Variants in FGD5 observed in about 807,000 individuals in gnomAD.
The protein encoded by FGD5 is FYVE, RhoGEF and PH domain containing 5.
Under a neutral mutation model 133.4 loss-of-function variants are expected in FGD5, and 28 were observed. That is an observed-to-expected ratio of 0.21 (90% CI 0.16 to 0.29). The LOEUF (loss-of-function observed/expected upper bound fraction) is 0.29. Ranked by LOEUF, FGD5 falls within the 10% of genes least tolerant of loss-of-function variation. FGD5 has a pLI of 1.00. For synonymous variants in FGD5, 810 were observed against 776.5 expected, an observed-to-expected ratio of 1.04 and a Z score of -0.72; for missense variants, 1,858 against 1,895.2, an observed-to-expected ratio of 0.98 and a Z score of 0.36.
Position 14,819,487 on chromosome 3 carries a change from C to G in FGD5, c.416C>G (p.Thr139Arg). 1 of 1,551,400 alleles carries G rather than the reference C, an allele frequency of 6.4e-7. No homozygotes were observed. Among genetic ancestry groups the G allele is most frequent in the Non-Finnish European group, 8.7e-7 (1 of 1,146,984 alleles). The part of the protein sequence containing the change: ...GALSREGEEG[T>R]DLALEDEGEG... Reference sequence around the variant, plus strand: ...CTGAGCAGGGAGGGTGAGGAAGGCACAGACCTTGCTCTTGAGGATGAAGGG... The same window carrying G: ...CTGAGCAGGGAGGGTGAGGAAGGCAGAGACCTTGCTCTTGAGGATGAAGGG... Residue 139 changes from threonine (T) to arginine (R), a missense_variant, in exon 1 of 20, where the codon ACA becomes AGA. Thr to Arg is a moderately conservative substitution (Grantham distance 71, BLOSUM62 -1). This residue lies in a region of FGD5 where 1,824 missense variants were observed against 1,848.9 expected (regional missense o/e 0.99). Coordinates refer to ENST00000285046, the MANE Select transcript of FGD5 (RefSeq NM_152536.4). This position sits in a 1 kb window ranked among gnomAD's most constrained non-coding sequence, Gnocchi z 4.1.
chr3:14,898,718 C>T (rs1303452392), intron 6 of FGD5, 21 bp from the exon 7 acceptor site: 3 of 1,562,136 alleles, frequency 1.9e-6, no homozygotes, highest in Non-Finnish European at 2.6e-6. Flanking sequence ...TAAGGTTTTT[C>T]CTTCCCTGTC....
intron 1 of FGD5, among the ~76,000 whole-genome samples, chr3:14,841,933 C>T (rs77002748): frequency 2.6e-5 from 4 of 152,160 alleles, no homozygotes; most frequent in Non-Finnish European, 5.9e-5. Flanking sequence ...AGGCAGTTGC[C>T]GAGATCCAGA....
At chr3:14,829,233 G>A (rs1461559939) in intron 1 of FGD5, among the ~76,000 whole-genome samples, 1 of 152,170 alleles carries the variant, frequency 6.6e-6, no homozygotes, top group Non-Finnish European at 1.5e-5. Flanking sequence ...GGAAGGCAGG[G>A]TGGGCCCAGT....
chr3:14,844,264 ATATATAT>A (rs2125088431), intron 1 of FGD5, among the ~76,000 whole-genome samples: 4 of 83,472 alleles, frequency 4.8e-5, no homozygotes, highest in South Asian at 4.4e-4. Context: ...ATATATATAT[ATATATAT>A]AATGCAGGTT....
intron 7 of FGD5, 75 bp from the exon 8 acceptor site, chr3:14,900,327 AG>A (rs1347461069): frequency 2.8e-6 from 4 of 1,437,576 alleles, no homozygotes; most frequent in Admixed American, 1.8e-5. Context: ...CTGGCAAGAG[AG>A]GGGGTGGCCA....
intron 4 of FGD5, among the ~76,000 whole-genome samples, chr3:14,890,749 A>G (rs991485320): frequency 2.0e-5 from 3 of 152,244 alleles, no homozygotes; most frequent in Non-Finnish European, 4.4e-5. Flanking sequence ...ATTACAGACG[A>G]GAAACCAGCT....
At chr3:14,831,706 G>A (rs1049749449) in intron 1 of FGD5, among the ~76,000 whole-genome samples, 1 of 152,180 alleles carries the variant, frequency 6.6e-6, no homozygotes, top group East Asian at 1.9e-4. Flanking sequence ...GATTTGATCC[G>A]TAAGCAGTAG....
chr3:14,878,352 GCTA>G (rs1291366825), intron 2 of FGD5, among the ~76,000 whole-genome samples: 1 of 152,196 alleles, frequency 6.6e-6, no homozygotes, highest in Non-Finnish European at 1.5e-5. Context: ...TGTCTCTGCT[GCTA>G]CTGTCAGAGG....
intron 1 of FGD5, among the ~76,000 whole-genome samples, chr3:14,844,829 C>T (rs2037015261): frequency 6.6e-6 from 1 of 152,180 alleles, no homozygotes; most frequent in African/African-American, 2.4e-5. Flanking sequence ...CCCAGTCTCT[C>T]CTCAATAGAC....
In FGD5 at chr3:14,922,044, C is replaced by T; in HGVS notation, c.3669+27C>T. On this transcript the variant is annotated intron_variant, in intron 14 of 19. Transcript: ENST00000285046. This position sits in a 1 kb window ranked among gnomAD's most constrained non-coding sequence, Gnocchi z 4.1. ...TGAGTGGGTGGGCAGGGCCCACGGG[C>T]CACCAGCTTCAGAGACCTGGGGTTC... is the stretch of plus-strand genomic sequence containing the variant. 1 of 1,550,052 alleles carries T rather than the reference C, an allele frequency of 6.5e-7. No individual in the cohort carries two copies. The highest frequency in any genetic ancestry group is 8.7e-7 in the Non-Finnish European group (1 of 1,145,716).
At chr3:14,853,631 CGTTCCTTTT>C (rs1559480758) in intron 1 of FGD5, among the ~76,000 whole-genome samples, 2 of 96,026 alleles carry the variant, frequency 2.1e-5, no homozygotes, top group African/African-American at 8.0e-5. Flanking sequence ...GGGGGAAAAG[CGTTCCTTTT>C]TTTTTTTTTT....
In FGD5 at chr3:14,932,730, A is replaced by T. The variant is rs1157423178; in HGVS notation, c.4351A>T (p.Arg1451Trp). 1 of 1,611,474 alleles carries T rather than the reference A, an allele frequency of 6.2e-7. No homozygotes were observed. ...FKAEDTNSAQ[R>W]WIEAMEDASV... ...AGCAGAAGATACCAATTCAGCTCAG[A>T]GGTACGAAAAGAACTAATTAGTCTT... The change falls in exon 19 of 20, where the codon AGG becomes TGG. Residue 1451 changes from arginine (R) to tryptophan (W), a missense_variant and splice_region_variant. Physicochemically the swap from Arg to Trp is moderately radical, Grantham distance 101. Transcript: ENST00000285046.
intron 1 of FGD5, 109 bp from the exon 2 acceptor site, chr3:14,864,013 CCTGAGT>C (rs2037448684): frequency 6.9e-7 from 1 of 1,447,694 alleles, no homozygotes; most frequent in Non-Finnish European, 9.4e-7. Context: ...GAATTTTGTG[CCTGAGT>C]CTTACTACTT....
intron 1 of FGD5, among the ~76,000 whole-genome samples, chr3:14,857,655 T>C (rs1230003539): frequency 1.3e-5 from 2 of 152,176 alleles, no homozygotes; most frequent in Non-Finnish European, 2.9e-5. Flanking sequence ...TGGGGGCCTT[T>C]CTACTGGTTC....
intron 2 of FGD5, among the ~76,000 whole-genome samples, chr3:14,874,547 C>T (rs2037678508): frequency 6.6e-6 from 1 of 151,976 alleles, no homozygotes; most frequent in South Asian, 2.1e-4. Context: ...ATAGTGGTTG[C>T]CGGGGGTGGA....
chr3:14,872,894 A>G (rs1276830210), intron 2 of FGD5, among the ~76,000 whole-genome samples: 2 of 152,194 alleles, frequency 1.3e-5, no homozygotes, highest in East Asian at 1.9e-4. Context: ...CTGAGCTGCA[A>G]TTGTTTCGAC....
chr3:14,823,829 T>C (rs2125071197), intron 1 of FGD5, among the ~76,000 whole-genome samples: 1 of 152,340 alleles, frequency 6.6e-6, no homozygotes, highest in East Asian at 1.9e-4. Flanking sequence ...GTGAAGGACC[T>C]GTTGCCTTGA....
At chr3:14,890,000 G>A (rs1404550285) in intron 4 of FGD5, among the ~76,000 whole-genome samples, 4 of 151,894 alleles carry the variant, frequency 2.6e-5, no homozygotes, top group Admixed American at 6.6e-5. Context: ...TTTTTTAACA[G>A]CTTCATTGAG....
At chr3:14,830,526 G>C (rs1003481945) in intron 1 of FGD5, among the ~76,000 whole-genome samples, 3 of 152,134 alleles carry the variant, frequency 2.0e-5, no homozygotes, top group Non-Finnish European at 4.4e-5. Context: ...ATCACAATGT[G>C]GTTTTACCTT....
Sources: allele counts gnomAD v4.1 joint callset (sites outside exome capture counted in the v4.1 genomes callset), GRCh38; gene constraint gnomAD v4.1.1; regional missense constraint gnomAD v4.1.1; non-coding constraint Gnocchi (gnomAD v3.1); transcripts MANE v1.5; gene names NCBI Gene and HGNC (gene_info 2026-07-23, HGNC 2026-07-21).